Variants in SCOC observed in about 807,000 individuals in gnomAD.
SCOC encodes the protein short coiled-coil protein.
A neutral mutation model predicts 9.9 loss-of-function variants in SCOC; 7 were observed. The observed-to-expected ratio is 0.71, with a 90% CI of 0.40 to 1.33. SCOC has a LOEUF of 1.33. SCOC is among the 40% of genes most tolerant of loss of function. SCOC has a pLI of 0.01. For synonymous variants in SCOC, 19 were observed against 28.2 expected, an observed-to-expected ratio of 0.67 and a Z score of 1.03; for missense variants, 66 against 89.7, an observed-to-expected ratio of 0.74 and a Z score of 1.07.
intron 2 of SCOC, among the ~76,000 whole-genome samples, chr4:140,347,840 C>T (rs1449187750): frequency 6.6e-6 from 1 of 152,086 alleles, no homozygotes; most frequent in Non-Finnish European, 1.5e-5. Context: ...CCAGACATTA[C>T]TCTTACTATG....
chr4:140,265,619 T>G (rs983984873), intron 1 of SCOC, among the ~76,000 whole-genome samples: 7 of 152,212 alleles, frequency 4.6e-5, no homozygotes, highest in African/African-American at 1.7e-4. Flanking sequence ...TATTTGAACA[T>G]GGTTTAAACA....
At chr4:140,294,447 T>G (rs548011058) in intron 1 of SCOC, among the ~76,000 whole-genome samples, 1 of 152,322 alleles carries the variant, frequency 6.6e-6, no homozygotes, top group East Asian at 1.9e-4. Flanking sequence ...AATGCAATTC[T>G]CTATCTAAAT....
At chr4:140,353,308 T>C (rs1727056595) in intron 2 of SCOC, among the ~76,000 whole-genome samples, 1 of 152,180 alleles carries the variant, frequency 6.6e-6, no homozygotes, top group South Asian at 2.1e-4. Context: ...GCTGAAACAA[T>C]ATATCCACCA....
At chr4:140,304,404 T>A (rs575878770) in intron 1 of SCOC, among the ~76,000 whole-genome samples, 2 of 152,100 alleles carry the variant, frequency 1.3e-5, no homozygotes, top group Admixed American at 6.5e-5. Context: ...GGTAGGACTT[T>A]CCTGCAGGCC....
At chr4:140,295,232 A>G (rs979863336) in intron 1 of SCOC, among the ~76,000 whole-genome samples, 2 of 152,128 alleles carry the variant, frequency 1.3e-5, no homozygotes, top group South Asian at 4.1e-4. Context: ...TCAGGTTTAC[A>G]CTTGGTGGGA....
chr4:140,269,743 A>C (rs1434825505), intron 1 of SCOC, among the ~76,000 whole-genome samples: 1 of 152,158 alleles, frequency 6.6e-6, no homozygotes, highest in Non-Finnish European at 1.5e-5. Flanking sequence ...TAGTCTATTC[A>C]CAAAGGTACC....
intron 1 of SCOC, among the ~76,000 whole-genome samples, chr4:140,283,439 T>C (rs1321611415): frequency 1.3e-5 from 2 of 152,230 alleles, no homozygotes; most frequent in African/African-American, 4.8e-5. Flanking sequence ...CTGATTACTT[T>C]TTCCTATAAC....
chr4:140,341,507 T>C (rs1039987), upstream of SCOC, among the ~76,000 whole-genome samples: 117,225 of 152,084 alleles, frequency 0.77, 45,540 homozygotes, highest in Non-Finnish European at 0.82. Flanking sequence ...AGTGCCTACC[T>C]GTAGGACTGT....
chr4:140,378,698 C>G (rs1728446145), intron 1 of SCOC, among the ~76,000 whole-genome samples: 1 of 152,074 alleles, frequency 6.6e-6, no homozygotes, highest in African/African-American at 2.4e-5. Context: ...ATGTATATAA[C>G]TTTCTTTGCA....
chr4:140,343,621 G>C (rs747202980), exon 2 of SCOC: 1 of 1,608,204 alleles, frequency 6.2e-7, no homozygotes, highest in Non-Finnish European at 8.5e-7. Flanking sequence ...TTACTAACAG[G>C]TCTGAAAATT....
upstream of SCOC, among the ~76,000 whole-genome samples, chr4:140,369,533 C>A (rs114681025): frequency 0.015 from 2,295 of 152,186 alleles, 44 homozygotes; most frequent in African/African-American, 0.053. Flanking sequence ...ACGTTTAGAA[C>A]CCTCTAATTA....
intron 1 of SCOC, among the ~76,000 whole-genome samples, chr4:140,378,676 G>T (rs1728444387): frequency 6.6e-6 from 1 of 152,106 alleles, no homozygotes. Flanking sequence ...AAATAAAATT[G>T]AAGTGATTTT....
In SCOC at chr4:140,384,518, A is replaced by G. The variant is rs1423548403; in HGVS notation, c.*3414A>G. The G allele has an allele frequency of 1.3e-5, 2 of 152,146 alleles. No individual in the cohort carries two copies. Among genetic ancestry groups the G allele is most frequent in the African/African-American group, 2.4e-5 (1 of 41,430 alleles). 9.4% of individuals were successfully genotyped at this position (152,146 alleles called of 1,614,324 possible). On this transcript the variant is annotated 3_prime_UTR_variant, in exon 4 of 4. Coordinates refer to ENST00000608372, the MANE Select transcript of SCOC (RefSeq NM_001153484.2). Reference sequence around the variant, plus strand: ...ACCTGGCCTGTCTTTGGCAAGAATCACCCTACTCTTGATGTCTCCAGTTAG... The same window carrying G: ...ACCTGGCCTGTCTTTGGCAAGAATCGCCCTACTCTTGATGTCTCCAGTTAG...
At chr4:140,301,604 G>A (rs897627535) in intron 1 of SCOC, among the ~76,000 whole-genome samples, 2 of 152,148 alleles carry the variant, frequency 1.3e-5, no homozygotes, top group Non-Finnish European at 2.9e-5. Flanking sequence ...AGTGAGGTCA[G>A]GATTCTGAAA....
intron 1 of SCOC, among the ~76,000 whole-genome samples, chr4:140,316,517 G>A (rs1732323688): frequency 6.6e-6 from 1 of 152,162 alleles, no homozygotes. Flanking sequence ...CTGTGTCTTT[G>A]TTTTAGTGTC....
At chr4:140,263,675 C>G (rs997015524) in intron 1 of SCOC, among the ~76,000 whole-genome samples, 5 of 152,142 alleles carry the variant, frequency 3.3e-5, no homozygotes, top group Non-Finnish European at 7.4e-5. Flanking sequence ...CAGGGGCAGG[C>G]AGTAAATTAT....
At chr4:140,366,375 G>T in intron 2 of SCOC, 1 of 1,270,510 alleles carries the variant, frequency 7.9e-7, no homozygotes, top group South Asian at 1.5e-5. Flanking sequence ...CTTGCCTGCA[G>T]CGGTCATCTT....
chr4:140,358,980 T>C (rs1055857798), intron 2 of SCOC, among the ~76,000 whole-genome samples: 4 of 152,244 alleles, frequency 2.6e-5, no homozygotes, highest in Non-Finnish European at 5.9e-5. Context: ...ATTTAACATG[T>C]ATATAACATA....
In SCOC at chr4:140,346,186, T is replaced by C. The variant is rs139755299; in HGVS notation, c.70+2478T>C. Among the ~76,000 whole-genome samples the C allele has an allele frequency of 4.6e-3, 707 of 152,264 alleles. 3 individuals are homozygous for C. The highest frequency in any genetic ancestry group is 0.014 in the African/African-American group (574 of 41,548). ...CGGTGTTTGTTCATGCTGGGCTTTT[T>C]GGTAGATTGTTGGAGCTGGATACCA... On this transcript the variant is annotated intron_variant, in intron 2 of 4. Coordinates refer to the SCOC transcript ENST00000338517.
Sources: gnomAD v4.1 joint callset for allele counts (sites outside exome capture counted in the v4.1 genomes callset) on GRCh38, gnomAD v4.1.1 for gene constraint, MANE v1.5 for transcripts, NCBI Gene and HGNC (gene_info 2026-07-23, HGNC 2026-07-21) for gene names.